TRABD2A: variants seen among roughly 807,000 people sequenced by gnomAD.
TRABD2A encodes metalloprotease TIKI1.
TRABD2A carries 43 observed loss-of-function variants against 45.6 expected under a neutral mutation model. The ratio of observed to expected loss-of-function variants is 0.94; its 90% confidence interval spans 0.74 to 1.22. The LOEUF (loss-of-function observed/expected upper bound fraction) is 1.22, where lower values mean the gene tolerates loss of function less well. Among genes scored for constraint, TRABD2A ranks in the 50% most tolerant of loss-of-function variants. The probability of loss-of-function intolerance (pLI) is 0.00; values close to 1 mark genes in which losing one functional copy is unlikely to be tolerated. For missense variants in TRABD2A, 642 were observed against 652.4 expected (o/e 0.98, Z 0.17); for synonymous variants, 269 against 265.0 (o/e 1.02, Z -0.15).
chr2:84,825,673 TC>T (rs1447154425), intron 5 of TRABD2A, among the ~76,000 whole-genome samples: 4 of 152,142 alleles, frequency 2.6e-5, no homozygotes. Flanking sequence ...TCAGGTGGCC[TC>T]CTAGGGCAGG....
In TRABD2A at chr2:84,880,977, C is replaced by T. The variant is rs2105419462; in HGVS notation, c.63G>A (p.Ser21=). ...TGGCGGTGCCGGGCGCCCCGCGCCGCGAAGCTGCGCCCGTGGGCAGGAGGC... is the reference window on the plus strand; with the variant it reads ...TGGCGGTGCCGGGCGCCCCGCGCCGTGAAGCTGCGCCCGTGGGCAGGAGGC... ...TLCLLPTGAA[S]RRGAPGTANC... Residue 21 remains serine, a synonymous_variant, in exon 1 of 7, where the codon TCG becomes TCA. Transcript: ENST00000409520. 1 of 1,603,624 alleles carries T rather than the reference C, an allele frequency of 6.2e-7. No individual in the cohort carries two copies. Among genetic ancestry groups the T allele is most frequent in the Admixed American group, 1.7e-5 (1 of 58,900 alleles).
At chr2:84,850,816 T>A (rs1307150363) in intron 2 of TRABD2A, 1 of 152,210 alleles carries the variant, frequency 6.6e-6, no homozygotes, top group Admixed American at 6.5e-5. Flanking sequence ...CAGAACTGCA[T>A]CCAAATGGTA....
At chr2:84,840,219 G>A (rs1201370425) in intron 3 of TRABD2A, among the ~76,000 whole-genome samples, 1 of 152,010 alleles carries the variant, frequency 6.6e-6, no homozygotes, top group Non-Finnish European at 1.5e-5. Flanking sequence ...CTCCTTTTGC[G>A]ACGGCCTCGA....
chr2:84,878,982 A>C (rs1683118789), intron 1 of TRABD2A, among the ~76,000 whole-genome samples: 1 of 152,228 alleles, frequency 6.6e-6, no homozygotes, highest in African/African-American at 2.4e-5. Context: ...CAGGGAGTCT[A>C]TAAGGTCAAA....
In TRABD2A at chr2:84,821,863, A is replaced by C; in HGVS notation, c.*54T>G. ...CTAGACCAGAATGTGGAGTACAGGA[A>C]TGGCCATTCTTCAAGTCCGAGGGGT... On this transcript the variant is annotated 3_prime_UTR_variant, in exon 7 of 7. Coordinates refer to ENST00000409520, the MANE Select transcript of TRABD2A (RefSeq NM_001277053.2). The C allele has an allele frequency of 2.4e-5, 34 of 1,442,892 alleles. No homozygotes were observed. Among genetic ancestry groups the C allele is most frequent in the Non-Finnish European group, 2.7e-5 (29 of 1,076,010 alleles). 89.4% of individuals were successfully genotyped at this position (1,442,892 alleles called of 1,614,324 possible). A position where few individuals can be genotyped will look rare whatever the true frequency, so the allele number is the denominator to read the frequency against.
chr2:84,841,515 C>T (rs1471978903), intron 3 of TRABD2A, among the ~76,000 whole-genome samples: 2 of 152,238 alleles, frequency 1.3e-5, no homozygotes, highest in East Asian at 3.8e-4. Context: ...TCTGCCCCAT[C>T]ATTTTGCAAA....
In TRABD2A at chr2:84,876,295, C is replaced by A. The variant is rs915457728; in HGVS notation, c.108+4637G>T. On this transcript the variant is annotated intron_variant, in intron 1 of 6. Transcript: ENST00000409520. ...CTAGACAAGGTCTCCAACAGGATGT[C>A]CACAGGAGAAAAGTTCTAGGAATAG... 2.0e-5 allele frequency among the ~76,000 whole-genome samples: 3 copies of A among 152,188 alleles called. No individual in the cohort carries two copies. In the South Asian group the frequency reaches 6.2e-4, roughly 32 times the overall value.
At chr2:84,842,806 T>C (rs1052615422) in intron 2 of TRABD2A, among the ~76,000 whole-genome samples, 1 of 151,828 alleles carries the variant, frequency 6.6e-6, no homozygotes, top group Admixed American at 6.5e-5. Flanking sequence ...AATATACTAA[T>C]GTGCGATGTG....
chr2:84,848,254 C>T (rs981262104), intron 2 of TRABD2A, among the ~76,000 whole-genome samples: 1 of 139,680 alleles, frequency 7.2e-6, no homozygotes, highest in African/African-American at 2.8e-5. Flanking sequence ...CCTTCCAATT[C>T]CCGTTCCCCA....
At chr2:84,854,761 G>A (rs879490645) in intron 2 of TRABD2A, among the ~76,000 whole-genome samples, 18 of 152,150 alleles carry the variant, frequency 1.2e-4, no homozygotes, top group African/African-American at 3.4e-4. Flanking sequence ...CCCTGTCCTG[G>A]TTATGACAGC....
chr2:84,857,031 G>C (rs1234128897), intron 2 of TRABD2A, among the ~76,000 whole-genome samples: 1 of 152,192 alleles, frequency 6.6e-6, no homozygotes, highest in Admixed American at 6.5e-5. Flanking sequence ...AGAAAAGGCT[G>C]TGTGAGGTCA....
At chr2:84,827,761 C>A (rs1233840436) in intron 5 of TRABD2A, among the ~76,000 whole-genome samples, 1 of 152,208 alleles carries the variant, frequency 6.6e-6, no homozygotes, top group Non-Finnish European at 1.5e-5. Flanking sequence ...GAGAACCCGT[C>A]TGTGGTCAGA....
chr2:84,844,891 G>T (rs1310640190), intron 2 of TRABD2A, among the ~76,000 whole-genome samples: 1 of 152,212 alleles, frequency 6.6e-6, no homozygotes, highest in Non-Finnish European at 1.5e-5. Flanking sequence ...ACAAGCCCAG[G>T]TTACCTGGTG....
chr2:84,848,826 G>C (rs929407763), intron 2 of TRABD2A, among the ~76,000 whole-genome samples: 3 of 151,830 alleles, frequency 2.0e-5, no homozygotes, highest in Non-Finnish European at 2.9e-5. Flanking sequence ...CACCCAACTC[G>C]GCCTCCCAAA....
At chr2:84,846,161 T>C (rs1258196129) in intron 2 of TRABD2A, among the ~76,000 whole-genome samples, 1 of 152,192 alleles carries the variant, frequency 6.6e-6, no homozygotes, top group African/African-American at 2.4e-5. Context: ...ATAAACACTC[T>C]TCTTTTAAGG....
At chr2:84,840,841 TTTTTGGGGA>T (rs2105381357) in intron 3 of TRABD2A, among the ~76,000 whole-genome samples, 1 of 152,298 alleles carries the variant, frequency 6.6e-6, no homozygotes, top group South Asian at 2.1e-4. Flanking sequence ...TTCCTCTAGA[TTTTTGGGGA>T]TGCTCCTTAC....
chr2:84,880,923 G>C lies in TRABD2A; in HGVS notation c.108+9C>G. On this transcript the variant is annotated intron_variant, in intron 1 of 6. Coordinates refer to ENST00000409520, the MANE Select transcript of TRABD2A (RefSeq NM_001277053.2). ...AGGCCGGCTCTCCAGCACCCGACGC[G>C]CGCCTTACTTGGGGCTTGAGCTCGC... The C allele has an allele frequency of 6.3e-7, 1 of 1,584,366 alleles. No homozygotes were observed. The highest frequency in any genetic ancestry group is 8.6e-7 in the Non-Finnish European group (1 of 1,165,824).
rs543820442 is a variant in TRABD2A, at chr2:84,826,368, G to A, written c.1083-2164C>T. ...CCCTGGGTGGGGGTTGGAGAGTAGG[G>A]ATCAGGAAGGAATTAGCTTTACTCT... On this transcript the variant is annotated intron_variant, in intron 5 of 6. Coordinates refer to ENST00000409520, the MANE Select transcript of TRABD2A (RefSeq NM_001277053.2). Among the ~76,000 whole-genome samples, 9 of 152,302 alleles carry A rather than the reference G, an allele frequency of 5.9e-5. No homozygotes were observed. In the South Asian group the frequency reaches 1.9e-3, roughly 32 times the overall value.
At chr2:84,869,934 G>T (rs991471856) in intron 2 of TRABD2A, among the ~76,000 whole-genome samples, 3 of 140,806 alleles carry the variant, frequency 2.1e-5, no homozygotes, top group African/African-American at 8.2e-5. Flanking sequence ...AACTGAGATC[G>T]CACCACTGCA....
Sources: allele counts gnomAD v4.1 joint callset (sites outside exome capture counted in the v4.1 genomes callset), GRCh38; gene constraint gnomAD v4.1.1; transcripts MANE v1.5; gene names NCBI Gene and HGNC (gene_info 2026-07-23, HGNC 2026-07-21).